The following SHTN1 variants were observed in gnomAD, a reference collection of about 807,000 sequenced individuals.
SHTN1 encodes shootin 1.
A neutral mutation model predicts 83.1 loss-of-function variants in SHTN1; 42 were observed. That is an observed-to-expected ratio of 0.51 (90% CI 0.39 to 0.65). The LOEUF is 0.65. Among genes scored for constraint, SHTN1 ranks in the 30% least tolerant of loss-of-function variants. The probability of loss-of-function intolerance (pLI) is 0.00; values close to 1 mark genes in which losing one functional copy is unlikely to be tolerated. For synonymous variants in SHTN1, 224 were observed against 247.7 expected (o/e 0.90, Z 0.90); for missense variants, 622 against 737.8 (o/e 0.84, Z 1.82).
chr10:117,067,911 C>T (rs1259904687), intron 1 of SHTN1, among the ~76,000 whole-genome samples: 1 of 152,064 alleles, frequency 6.6e-6, no homozygotes, highest in Non-Finnish European at 1.5e-5. Flanking sequence ...CAAGGAGTAC[C>T]ATTTACTGAG....
intron 16 of SHTN1, among the ~76,000 whole-genome samples, chr10:116,899,360 T>C (rs1241499023): frequency 6.6e-6 from 1 of 152,076 alleles, no homozygotes; most frequent in South Asian, 2.1e-4. Flanking sequence ...AAGATAACAT[T>C]TGAGCAACAC....
chr10:116,935,817 G>A (rs538689083), intron 9 of SHTN1, among the ~76,000 whole-genome samples: 7 of 152,162 alleles, frequency 4.6e-5, no homozygotes, highest in African/African-American at 1.7e-4. Context: ...TGGTTAGCAG[G>A]CTATTAATTA....
chr10:117,042,364 A>G (rs141017879), intron 2 of SHTN1, among the ~76,000 whole-genome samples: 1 of 152,278 alleles, frequency 6.6e-6, no homozygotes. Flanking sequence ...CATGGTGCTC[A>G]AGTCTGAGGT....
intron 1 of SHTN1, among the ~76,000 whole-genome samples, chr10:117,076,602 A>G (rs1367965629): frequency 2.6e-5 from 4 of 152,236 alleles, no homozygotes; most frequent in Admixed American, 2.6e-4. Flanking sequence ...TACAATGCAT[A>G]TTTAGCTGCA....
intron 1 of SHTN1, among the ~76,000 whole-genome samples, chr10:117,097,759 T>C (rs1180577754): frequency 6.6e-6 from 1 of 152,236 alleles, no homozygotes; most frequent in African/African-American, 2.4e-5. Context: ...AAAGTTTCCA[T>C]TACATCTTTA....
chr10:117,077,149 A>C (rs1245093203), intron 1 of SHTN1, among the ~76,000 whole-genome samples: 2 of 152,244 alleles, frequency 1.3e-5, no homozygotes, highest in African/African-American at 4.8e-5. Flanking sequence ...AGGTTTCCTT[A>C]GTTGGCAAAG....
intron 2 of SHTN1, among the ~76,000 whole-genome samples, chr10:117,014,925 C>T (rs1001784185): frequency 6.6e-6 from 1 of 152,214 alleles, no homozygotes. Context: ...ATAAAGGCTA[C>T]AGCTTTTGAG....
intron 13 of SHTN1, among the ~76,000 whole-genome samples, chr10:116,914,379 G>C (rs1848306236): frequency 6.6e-6 from 1 of 152,058 alleles, no homozygotes; most frequent in Non-Finnish European, 1.5e-5. Context: ...GGCTGAGGCA[G>C]GAGAATCGCT....
chr10:117,108,904 T>G (rs891097897), intron 1 of SHTN1, among the ~76,000 whole-genome samples: 5 of 152,082 alleles, frequency 3.3e-5, no homozygotes, highest in African/African-American at 1.2e-4. Context: ...TTGGGCAAAT[T>G]CTTTAATCTG....
At chr10:116,895,852 C>T (rs917846400) in intron 16 of SHTN1, among the ~76,000 whole-genome samples, 1 of 152,110 alleles carries the variant, frequency 6.6e-6, no homozygotes, top group Non-Finnish European at 1.5e-5. Flanking sequence ...GTTTTCTCAC[C>T]TGTAAAATTG....
At chr10:116,931,507 C>T (rs1848965177) in intron 9 of SHTN1, among the ~76,000 whole-genome samples, 1 of 152,128 alleles carries the variant, frequency 6.6e-6, no homozygotes, top group African/African-American at 2.4e-5. Flanking sequence ...CTTTGGCCTC[C>T]CAAGGTGCTG....
At chr10:116,906,337 T>C (rs1242968822) in intron 15 of SHTN1, among the ~76,000 whole-genome samples, 1 of 152,230 alleles carries the variant, frequency 6.6e-6, no homozygotes, top group African/African-American at 2.4e-5. Context: ...TGCTATATTG[T>C]TGCCGAATCT....
At position 116,881,609 on chromosome 10, in the gene SHTN1, GC is replaced by G. The variant is rs2133286826; in HGVS notation, c.*4734del. The G allele has an allele frequency of 1.3e-6, 2 of 1,550,406 alleles. No homozygotes were observed. Among genetic ancestry groups the G allele is most frequent in the Non-Finnish European group, 1.7e-6 (2 of 1,146,920 alleles). On this transcript the variant is annotated 3_prime_UTR_variant, in exon 17 of 17. Coordinates refer to ENST00000355371, the MANE Select transcript of SHTN1 (RefSeq NM_001127211.3). ...CTGCTGCGGCTAGGGAGCCGCTGGT[GC>G]CCACCTTCCCCACACAAGGTGTAGA...
intron 1 of SHTN1, among the ~76,000 whole-genome samples, chr10:117,063,014 C>G (rs1417228282): frequency 6.6e-6 from 1 of 152,194 alleles, no homozygotes; most frequent in Non-Finnish European, 1.5e-5. Flanking sequence ...CTGGATAATA[C>G]TAACCATAAA....
chr10:117,106,772 C>G (rs2133635065), intron 1 of SHTN1, among the ~76,000 whole-genome samples: 1 of 152,304 alleles, frequency 6.6e-6, no homozygotes, highest in Middle Eastern at 3.4e-3. Context: ...GCATTCTTGA[C>G]TACATCCCTT....
chr10:117,013,056 C>G (rs545729998), intron 2 of SHTN1, among the ~76,000 whole-genome samples: 1 of 151,892 alleles, frequency 6.6e-6, no homozygotes, highest in African/African-American at 2.4e-5. Flanking sequence ...GGCAACAGAA[C>G]AAGACCCCAT....
chr10:117,099,009 TACAC>T lies in SHTN1; in HGVS notation c.-189+27294_-189+27297del, dbSNP rs371738555. Reference sequence around the variant, plus strand: ...TTCCACAAAGAAAATGTGGTATGTATACACACACACACACACACACACACACACA... The same window carrying T: ...TTCCACAAAGAAAATGTGGTATGTATACACACACACACACACACACACACA... On this transcript the variant is annotated intron_variant, in intron 1 of 17. Coordinates refer to the SHTN1 transcript ENST00000392901. Among the ~76,000 whole-genome samples, 934 of 141,114 alleles carry T rather than the reference TACAC, an allele frequency of 6.6e-3. 5 individuals are homozygous for T. Among genetic ancestry groups the T allele is most frequent in the African/African-American group, 0.016 (627 of 38,428 alleles). The allele number at this position is 141,114 out of a possible 152,430, so 92.6% of individuals were successfully genotyped here.
Position 116,886,157 on chromosome 10 carries a change from ATG to A in SHTN1, c.*185_*186del, listed in dbSNP as rs141084580. 0.013 allele frequency: 10,428 copies of A among 782,690 alleles called. 88 individuals are homozygous for A. Among genetic ancestry groups the A allele is most frequent in the Non-Finnish European group, 0.018 (8,956 of 508,450 alleles). 48.5% of individuals were successfully genotyped at this position (782,690 alleles called of 1,614,324 possible). On this transcript the variant is annotated 3_prime_UTR_variant, in exon 17 of 17. Transcript: ENST00000355371. ...ATCAAAAAACCAAAACCTACTAGGA[ATG>A]TGTGTTTTGCTAAACAGCTTACTTA...
intron 2 of SHTN1, among the ~76,000 whole-genome samples, chr10:117,029,130 G>A (rs1048468031): frequency 2.6e-5 from 4 of 152,226 alleles, no homozygotes; most frequent in East Asian, 1.9e-4. Context: ...GATGTGGGAC[G>A]TGGAGTCAAA....
Sources: gnomAD v4.1 joint callset for allele counts (sites outside exome capture counted in the v4.1 genomes callset) on GRCh38, gnomAD v4.1.1 for gene constraint, MANE v1.5 for transcripts, NCBI Gene and HGNC (gene_info 2026-07-23, HGNC 2026-07-21) for gene names.